SLC3A2: variants seen among roughly 807,000 people sequenced by gnomAD.
The protein encoded by SLC3A2 is amino acid transporter heavy chain SLC3A2.
In SLC3A2, 32 loss-of-function variants were observed where a neutral mutation model predicts 48.5. That is an observed-to-expected ratio of 0.66 (90% CI 0.50 to 0.89). The LOEUF (loss-of-function observed/expected upper bound fraction) is 0.89, where lower values mean the gene tolerates loss of function less well. SLC3A2 is among the 40% of genes least tolerant of loss of function. The pLI is 0.00. For synonymous variants in SLC3A2, 277 were observed against 288.8 expected (o/e 0.96, Z 0.41); for missense variants, 587 against 680.7 (o/e 0.86, Z 1.53).
Position 62,881,782 on chromosome 11 carries a change from C to G in SLC3A2, c.425-111C>G. 1 of 1,247,986 alleles carries G rather than the reference C, an allele frequency of 8.0e-7. No individual in the cohort carries two copies. Among genetic ancestry groups the G allele is most frequent in the Non-Finnish European group, 1.1e-6 (1 of 889,894 alleles). 77.3% of individuals were successfully genotyped at this position (1,247,986 alleles called of 1,614,324 possible). A position where few individuals can be genotyped will look rare whatever the true frequency, so the allele number is the denominator to read the frequency against. On this transcript the variant is annotated intron_variant, in intron 1 of 8. Coordinates refer to ENST00000338663, the MANE Select transcript of SLC3A2 (RefSeq NM_001013251.3). The surrounding 1 kb of genome is among the most constrained non-coding windows in gnomAD (Gnocchi z 4.0). Reference sequence around the variant, plus strand: ...TCGTGATTCAGCCTTGCCTCCCTCTCTCCCCCTTTGCCCCCTCCCCGTCCC... The same window carrying G: ...TCGTGATTCAGCCTTGCCTCCCTCTGTCCCCCTTTGCCCCCTCCCCGTCCC...
chr11:62,881,122 C>G lies in SLC3A2; in HGVS notation c.99C>G (p.Ser33=). 1 of 1,607,440 alleles carries G rather than the reference C, an allele frequency of 6.2e-7. No individual in the cohort carries two copies. The highest frequency in any genetic ancestry group is 8.5e-7 in the Non-Finnish European group (1 of 1,177,826). Residue 33 remains serine (S), a synonymous_variant, in exon 1 of 9, where the codon TCC becomes TCG. Transcript: ENST00000338663. This position sits in a 1 kb window ranked among gnomAD's most constrained non-coding sequence, Gnocchi z 4.0. ...PMNAASGAAM[S]LAGAEKNGLV... ...ACGCGGCGTCTGGGGCGGCCATGTC[C>G]CTGGCGGGAGCCGAGAAGAATGGTC... is the stretch of plus-strand genomic sequence containing the variant.
intron 1 of SLC3A2, among the ~76,000 whole-genome samples, chr11:62,864,897 C>T (rs2085437494): frequency 6.6e-6 from 1 of 152,048 alleles, no homozygotes; most frequent in Admixed American, 6.6e-5. Context: ...GCCTCCCATG[C>T]CCAGTCCCCG....
At chr11:62,861,352 C>T (rs1382245558) in intron 1 of SLC3A2, among the ~76,000 whole-genome samples, 1 of 152,062 alleles carries the variant, frequency 6.6e-6, no homozygotes, top group Non-Finnish European at 1.5e-5. Context: ...GTCACTGTAA[C>T]CTCAAACTCC....
intron 1 of SLC3A2, among the ~76,000 whole-genome samples, chr11:62,870,303 T>C (rs533931470): frequency 5.5e-4 from 84 of 152,102 alleles, no homozygotes; most frequent in African/African-American, 1.8e-3. Flanking sequence ...TGCCTCAGCC[T>C]CCCAGGTAGA....
intron 1 of SLC3A2, among the ~76,000 whole-genome samples, chr11:62,865,764 T>G (rs1378491531): frequency 6.6e-6 from 1 of 152,104 alleles, no homozygotes; most frequent in Non-Finnish European, 1.5e-5. Context: ...TCCACAACTC[T>G]GTGAATCAAA....
chr11:62,888,019 T>C, intron 7 of SLC3A2, 116 bp from the exon 8 acceptor site: 1 of 883,598 alleles, frequency 1.1e-6, no homozygotes, highest in Non-Finnish European at 1.8e-6. Flanking sequence ...TGGTTTCAAA[T>C]GCCTGGGCTC....
chr11:62,863,045 C>T (rs1388341757), intron 1 of SLC3A2, among the ~76,000 whole-genome samples: 1 of 152,150 alleles, frequency 6.6e-6, no homozygotes, highest in Non-Finnish European at 1.5e-5. Context: ...CCTCAGCCTC[C>T]TGAGTAGCTG....
At position 62,888,452 on chromosome 11, in the gene SLC3A2, TCTC is replaced by T. The variant is rs775992898; in HGVS notation, c.1352_1354del (p.Ser451del). On this transcript the variant is annotated inframe_deletion, in exon 9 of 9. Transcript: ENST00000338663. ...GCGTTCTCCGCTGGGCCTGGACTCT[TCTC>T]CTATATCCGCCACTGGGACCAGAAT... The T allele has an allele frequency of 3.2e-5, 52 of 1,614,076 alleles. No individual in the cohort carries two copies. Among genetic ancestry groups the T allele is most frequent in the Non-Finnish European group, 4.1e-5 (48 of 1,180,042 alleles).
chr11:62,885,497 G>A lies in SLC3A2; in HGVS notation c.1032G>A (p.Leu344=). Residue 344 remains leucine (L), a synonymous_variant, in exon 7 of 9, where the codon TTG becomes TTA. Coordinates refer to ENST00000338663, the MANE Select transcript of SLC3A2 (RefSeq NM_001013251.3). The part of the protein sequence containing the change: ...LSQARLLTSF[L]PAQLLRLYQL... ...AGGCAAGGCTCCTGACTTCCTTCTT[G>A]CCGGCTCAACTTCTCCGACTCTACC... is the stretch of plus-strand genomic sequence containing the variant. 4 of 1,614,150 alleles carry A rather than the reference G, an allele frequency of 2.5e-6. No homozygotes were observed. The South Asian group carries it at 3.3e-5, about 13-fold the overall frequency.
chr11:62,859,889 G>A (rs530394843), intron 1 of SLC3A2, among the ~76,000 whole-genome samples: 7 of 152,224 alleles, frequency 4.6e-5, no homozygotes, highest in African/African-American at 1.4e-4. Flanking sequence ...CAGGTGGGAC[G>A]AGAGACTGAG....
intron 1 of SLC3A2, among the ~76,000 whole-genome samples, chr11:62,861,602 C>G (rs1028679687): frequency 4.6e-5 from 7 of 152,080 alleles, no homozygotes; most frequent in African/African-American, 1.7e-4. Flanking sequence ...ACACTGTAGT[C>G]AGAGTGATCT....
intron 2 of SLC3A2, 74 bp downstream of exon 2, chr11:62,882,140 T>C: frequency 6.4e-7 from 1 of 1,554,196 alleles, no homozygotes; most frequent in Non-Finnish European, 8.8e-7. Context: ...AGAACTTTTG[T>C]CTGGTTTCCT....
upstream of SLC3A2, among the ~76,000 whole-genome samples, chr11:62,879,460 C>A (rs1211590944): frequency 1.3e-5 from 2 of 151,778 alleles, no homozygotes; most frequent in Non-Finnish European, 3.0e-5. Context: ...GTTGGCACTT[C>A]TTATCTGGCA....
intron 1 of SLC3A2, among the ~76,000 whole-genome samples, chr11:62,866,276 C>T (rs1348944825): frequency 6.6e-6 from 1 of 151,890 alleles, no homozygotes; most frequent in Non-Finnish European, 1.5e-5. Flanking sequence ...TGCCGCCATC[C>T]CCAGCTAATT....
At chr11:62,877,652 G>A (rs1358180062), upstream of SLC3A2, among the ~76,000 whole-genome samples, 1 of 152,230 alleles carries the variant, frequency 6.6e-6, no homozygotes, top group Non-Finnish European at 1.5e-5. Flanking sequence ...TGAATGAATA[G>A]GAACTCATGA....
intron 7 of SLC3A2, 100 bp downstream of exon 7, chr11:62,885,708 A>G (rs1042399420): frequency 5.1e-5 from 69 of 1,346,502 alleles, no homozygotes; most frequent in African/African-American, 1.0e-4. Context: ...TGGGGTGAAA[A>G]CGCGTTTGAT....
intron 1 of SLC3A2, among the ~76,000 whole-genome samples, chr11:62,863,930 G>A (rs2085426491): frequency 6.6e-6 from 1 of 152,092 alleles, no homozygotes; most frequent in Non-Finnish European, 1.5e-5. Context: ...TTTCGCTACT[G>A]ATACTTTGAA....
intron 7 of SLC3A2, among the ~76,000 whole-genome samples, chr11:62,887,440 T>C (rs2085729132): frequency 6.6e-6 from 1 of 152,120 alleles, no homozygotes; most frequent in Admixed American, 6.5e-5. Context: ...TCGTGGCTTA[T>C]GCCTGTAATC....
intron 1 of SLC3A2, chr11:62,870,853 ATAATTATTATTATTATTATTATTAT>A (rs1565247822): frequency 8.4e-5 from 10 of 118,636 alleles, no homozygotes; most frequent in Admixed American, 6.8e-4. Flanking sequence ...AATAATAATA[ATAATTATTATTATTATTATTATTAT>A]TATTATTATT....
Sources: allele counts gnomAD v4.1 joint callset (sites outside exome capture counted in the v4.1 genomes callset), GRCh38; gene constraint gnomAD v4.1.1; non-coding constraint Gnocchi (gnomAD v3.1); transcripts MANE v1.5; gene names NCBI Gene and HGNC (gene_info 2026-07-23, HGNC 2026-07-21).